FAM186B: variants seen among roughly 807,000 people sequenced by gnomAD.
FAM186B encodes family with sequence similarity 186 member B.
FAM186B carries 68 observed loss-of-function variants against 83.4 expected under a neutral mutation model. That is an observed-to-expected ratio of 0.81 (90% CI 0.67 to 1.00). The LOEUF (loss-of-function observed/expected upper bound fraction) is 1.00. Among genes scored for constraint, FAM186B ranks in the 50% least tolerant of loss-of-function variants. The probability of loss-of-function intolerance (pLI) is 0.00; values close to 1 mark genes in which losing one functional copy is unlikely to be tolerated. For synonymous variants in FAM186B, 389 were observed against 422.0 expected (o/e 0.92, Z 0.96); for missense variants, 983 against 1,099.2 (o/e 0.89, Z 1.49).
At chr12:49,621,989 T>A in the FAM186B span, among the ~76,000 whole-genome samples, 4 of 152,262 alleles carry the variant, frequency 2.6e-5, no homozygotes, top group African/African-American at 9.6e-5. Flanking sequence ...CGATTCTATA[T>A]GTGTGTACAT....
At chr12:49,604,606 G>T in intron 1 of FAM186B, 68 bp from the exon 2 acceptor site, 2 of 1,370,304 alleles carry the variant, frequency 1.5e-6, no homozygotes, top group Non-Finnish European at 2.1e-6. Flanking sequence ...TGCTAGCAGC[G>T]TGACCTTGGA....
the FAM186B span, chr12:49,622,625 T>A: frequency 6.6e-6 from 1 of 152,296 alleles, no homozygotes; most frequent in Non-Finnish European, 1.5e-5. Flanking sequence ...TCCCACTTCC[T>A]TTTCCTCCCA....
intron 4 of FAM186B, 43 bp from the exon 5 acceptor site, chr12:49,598,990 C>A: frequency 6.3e-7 from 1 of 1,582,862 alleles, no homozygotes; most frequent in Non-Finnish European, 8.7e-7. Context: ...GAGAGGCCTC[C>A]TCTATCCCCC....
At chr12:49,604,134 T>A (rs1288963218) in intron 2 of FAM186B, 179 bp downstream of exon 2, 7 of 591,248 alleles carry the variant, frequency 1.2e-5, no homozygotes, top group Non-Finnish European at 1.5e-5. Context: ...TCAGCTAATG[T>A]CATGATCTGT....
chr12:49,600,738 C>G lies in FAM186B; in HGVS notation c.902G>C (p.Gly301Ala). ...DALLKQVEIL[G>A]GRYHDLLLMK... ...CAGGAGAAGGTCATGGTACCTTCCC[C>G]CTAAGATCTCTACCTGCTTCAGCAG... is the stretch of plus-strand genomic sequence containing the variant. Residue 301 changes from glycine to alanine, a missense_variant, in exon 4 of 7, where the codon GGG becomes GCG. Physicochemically the swap from Gly to Ala is moderately conservative, Grantham distance 60. Transcript: ENST00000257894. This position sits in a 1 kb window ranked among gnomAD's most constrained non-coding sequence, Gnocchi z 4.3. 1 of 1,614,150 alleles carries G rather than the reference C, an allele frequency of 6.2e-7. No individual in the cohort carries two copies. Among genetic ancestry groups the G allele is most frequent in the Non-Finnish European group, 8.5e-7 (1 of 1,179,996 alleles).
At chr12:49,612,667 C>A in the FAM186B span, among the ~76,000 whole-genome samples, 1 of 151,898 alleles carries the variant, frequency 6.6e-6, no homozygotes, top group Non-Finnish European at 1.5e-5. Flanking sequence ...GGATTCAATT[C>A]AACAAGAAGA....
chr12:49,614,156 A>G, the FAM186B span, among the ~76,000 whole-genome samples: 1 of 152,044 alleles, frequency 6.6e-6, no homozygotes, highest in South Asian at 2.1e-4. Context: ...GTCTCAAAAA[A>G]AAAAAAAAAT....
At position 49,600,891 on chromosome 12, in the gene FAM186B, T is replaced by C; in HGVS notation, c.749A>G (p.Gln250Arg). Residue 250 changes from glutamine (Q) to arginine (R), a missense_variant, in exon 4 of 7, where the codon CAA becomes CGA. By Grantham distance (43) the Gln-to-Arg change is conservative (BLOSUM62 1). Coordinates refer to ENST00000257894, the MANE Select transcript of FAM186B (RefSeq NM_032130.3). This position sits in a 1 kb window ranked among gnomAD's most constrained non-coding sequence, Gnocchi z 4.3. The part of the protein sequence containing the change: ...VENLNKALIL[Q>R]HKENRSLETK... ...CTCCAGGCTCCTGTTCTCCTTGTGTTGGAGGATCAAGGCCTTGTTGAGGTT... is the reference window on the plus strand; with the variant it reads ...CTCCAGGCTCCTGTTCTCCTTGTGTCGGAGGATCAAGGCCTTGTTGAGGTT... 6.2e-7 allele frequency: 1 copy of C among 1,614,174 alleles called. No homozygotes were observed. Among genetic ancestry groups the C allele is most frequent in the Non-Finnish European group, 8.5e-7 (1 of 1,180,014 alleles).
At chr12:49,584,629 AGAG>A, downstream of FAM186B, 1 of 702,354 alleles carries the variant, frequency 1.4e-6, no homozygotes, top group Non-Finnish European at 2.6e-6. Context: ...AAGAGTTAGT[AGAG>A]TTACAGGTGG....
At chr12:49,598,213 G>A (rs1016631748) in intron 5 of FAM186B, among the ~76,000 whole-genome samples, 2 of 152,174 alleles carry the variant, frequency 1.3e-5, no homozygotes, top group Non-Finnish European at 2.9e-5. Flanking sequence ...CCATGCAATC[G>A]TTGTCAGAAA....
At position 49,600,607 on chromosome 12, in the gene FAM186B, C is replaced by G. The variant is rs1361898556; in HGVS notation, c.1033G>C (p.Glu345Gln). ...ACTGTTTCTTTCCTTGGGAGGGTCT[C>G]TCTCTCAGAGGGACCTGGGGAGTCA... ...SVDSPGPSER[E>Q]TLPRKETVME... Residue 345 changes from glutamate to glutamine, a missense_variant, in exon 4 of 7, where the codon GAG becomes CAG. By Grantham distance (29) the Glu-to-Gln change is conservative. Coordinates refer to ENST00000257894, the MANE Select transcript of FAM186B (RefSeq NM_032130.3). This position sits in a 1 kb window ranked among gnomAD's most constrained non-coding sequence, Gnocchi z 4.3. 1.2e-6 allele frequency: 2 copies of G among 1,612,442 alleles called. No individual in the cohort carries two copies. Among genetic ancestry groups the G allele is most frequent in the Non-Finnish European group, 1.7e-6 (2 of 1,179,044 alleles).
chr12:49,594,380 A>G (rs1253118939), intron 5 of FAM186B: 1 of 155,992 alleles, frequency 6.4e-6, no homozygotes, highest in Non-Finnish European at 1.4e-5. Flanking sequence ...TGGGGGATAC[A>G]TTTCAAGAAC....
At chr12:49,591,769 T>G (rs1331033583) in intron 5 of FAM186B, among the ~76,000 whole-genome samples, 3 of 152,196 alleles carry the variant, frequency 2.0e-5, no homozygotes, top group Non-Finnish European at 4.4e-5. Context: ...GATGCTCACA[T>G]GCTTATATAA....
At position 49,603,275 on chromosome 12, in the gene FAM186B, G is replaced by T. The variant is rs751420833; in HGVS notation, c.415C>A (p.Pro139Thr). Residue 139 changes from proline (P) to threonine (T), a missense_variant, in exon 3 of 7, where the codon CCG becomes ACG. By Grantham distance (38) the Pro-to-Thr change is conservative (BLOSUM62 -1). Transcript: ENST00000257894. ...CTTTTGGTGGCAATGAGGGACAGCG[G>T]TAACACTTTCTCCGTCACTTCAATC... ...EWIEVTEKVL[P>T]LSLIATKRGI... is the part of the protein sequence containing the mutation. 17 of 1,614,078 alleles carry T rather than the reference G, an allele frequency of 1.1e-5. No individual in the cohort carries two copies. Among genetic ancestry groups the T allele is most frequent in the African/African-American group, 1.3e-5 (1 of 74,918 alleles).
In FAM186B at chr12:49,605,563, G is replaced by A; in HGVS notation, c.-86C>T. The A allele has an allele frequency of 6.9e-7, 1 of 1,446,876 alleles. No homozygotes were observed. Among genetic ancestry groups the A allele is most frequent in the Non-Finnish European group, 9.4e-7 (1 of 1,068,854 alleles). 89.6% of individuals were successfully genotyped at this position (1,446,876 alleles called of 1,614,324 possible). A position where few individuals can be genotyped will look rare whatever the true frequency, so the allele number is the denominator to read the frequency against. ...CAATGTTGCCTGCTTTGGAGGTTAA[G>A]GGCACCAGGGTGTCTCCTGGGTACC... On this transcript the variant is annotated 5_prime_UTR_variant, in exon 1 of 7. Coordinates refer to ENST00000257894, the MANE Select transcript of FAM186B (RefSeq NM_032130.3).
downstream of FAM186B, among the ~76,000 whole-genome samples, chr12:49,586,352 G>A (rs779978333): frequency 2.0e-5 from 3 of 152,146 alleles, no homozygotes; most frequent in Non-Finnish European, 4.4e-5. Flanking sequence ...GCTTGGTGCT[G>A]TTCAAAATGA....
the FAM186B span, among the ~76,000 whole-genome samples, chr12:49,614,662 AC>A: frequency 6.6e-6 from 1 of 152,052 alleles, no homozygotes; most frequent in Admixed American, 6.6e-5. Flanking sequence ...GATCAATCAT[AC>A]CCCCAACCAC....
In FAM186B at chr12:49,599,525, G is replaced by A; in HGVS notation, c.2115C>T (p.Leu705=). The A allele has an allele frequency of 6.3e-7, 1 of 1,597,444 alleles. No individual in the cohort carries two copies. Among genetic ancestry groups the A allele is most frequent in the Non-Finnish European group, 8.5e-7 (1 of 1,173,306 alleles). Residue 705 remains leucine, a synonymous_variant, in exon 4 of 7, where the codon CTC becomes CTT. Coordinates refer to ENST00000257894, the MANE Select transcript of FAM186B (RefSeq NM_032130.3). ...LTTTTMELGA[L]RLQYLCHKYI... Reference sequence around the variant, plus strand: ...ACTTATGGCACAGGTACTGCAGCCTGAGCGCGCCCAGCTCCATGGTGGTGG... The same window carrying A: ...ACTTATGGCACAGGTACTGCAGCCTAAGCGCGCCCAGCTCCATGGTGGTGG...
At chr12:49,620,245 C>A in the FAM186B span, among the ~76,000 whole-genome samples, 1 of 152,126 alleles carries the variant, frequency 6.6e-6, no homozygotes, top group Non-Finnish European at 1.5e-5. Flanking sequence ...GCAAACCAAC[C>A]CTGAAGTACT....
Sources: gnomAD v4.1 joint callset for allele counts (sites outside exome capture counted in the v4.1 genomes callset) on GRCh38, gnomAD v4.1.1 for gene constraint, Gnocchi (gnomAD v3.1) non-coding constraint, MANE v1.5 for transcripts, NCBI Gene and HGNC (gene_info 2026-07-23, HGNC 2026-07-21) for gene names.